USH2A: variants seen among roughly 807,000 people sequenced by gnomAD.
USH2A encodes Usher syndrome 2A (autosomal recessive, mild).
A neutral mutation model predicts 538.9 loss-of-function variants in USH2A; 443 were observed. That is an observed-to-expected ratio of 0.82 (90% CI 0.76 to 0.89). The LOEUF is 0.89. Among genes scored for constraint, USH2A ranks in the 40% least tolerant of loss-of-function variants. The pLI, the probability that USH2A is intolerant of heterozygous loss-of-function variation, is 0.00. For missense variants in USH2A, 6,633 were observed against 6,324.8 expected, an observed-to-expected ratio of 1.05 and a Z score of -1.65; for synonymous variants, 2,413 against 2,273.5, an observed-to-expected ratio of 1.06 and a Z score of -1.75.
chr1:216,168,617 C>CT (rs1389898291), intron 21 of USH2A, among the ~76,000 whole-genome samples: 1 of 152,126 alleles, frequency 6.6e-6, no homozygotes, highest in Non-Finnish European at 1.5e-5. Context: ...CTTTGTATGA[C>CT]TAACAAATTT....
chr1:216,404,530 C>T (rs994406910), intron 3 of USH2A, among the ~76,000 whole-genome samples: 1 of 151,806 alleles, frequency 6.6e-6, no homozygotes, highest in Admixed American at 6.6e-5. Context: ...AAGGATATAG[C>T]CTTTTCAACT....
chr1:215,726,598 C>T (rs1363242232), intron 61 of USH2A, among the ~76,000 whole-genome samples: 1 of 152,066 alleles, frequency 6.6e-6, no homozygotes, highest in African/African-American at 2.4e-5. Flanking sequence ...ATTGGCCTTC[C>T]AGGATTTAAA....
At chr1:215,826,191 T>G (rs897225394) in intron 47 of USH2A, among the ~76,000 whole-genome samples, 1 of 152,184 alleles carries the variant, frequency 6.6e-6, no homozygotes, top group African/African-American at 2.4e-5. Context: ...TGAGCTAACT[T>G]GAAGGTACAT....
In USH2A at chr1:216,198,425, G is replaced by T; in HGVS notation, c.3971C>A (p.Thr1324Lys). The change falls in exon 18 of 72, where the codon ACA becomes AAA. Residue 1324 changes from threonine to lysine, a missense_variant. Transcript: ENST00000307340. ...GTATGGCTCCAAGCCAGTGATGGTTGTCATTGTTTGAGGAGGTTTTAATGC... is the reference window on the plus strand; with the variant it reads ...GTATGGCTCCAAGCCAGTGATGGTTTTCATTGTTTGAGGAGGTTTTAATGC... ...ENALKPPQTM[T>K]TITGLEPYTK... 6.2e-7 allele frequency: 1 copy of T among 1,614,024 alleles called. No homozygotes were observed. Among genetic ancestry groups the T allele is most frequent in the Non-Finnish European group, 8.5e-7 (1 of 1,179,960 alleles).
chr1:215,630,580 C>T (rs1040445465), intron 70 of USH2A, among the ~76,000 whole-genome samples: 7 of 144,846 alleles, frequency 4.8e-5, no homozygotes, highest in East Asian at 2.0e-4. Flanking sequence ...AGGCCGGGTG[C>T]GGTGGCTCAT....
At chr1:215,840,858 A>G (rs905087130) in intron 46 of USH2A, among the ~76,000 whole-genome samples, 5 of 152,194 alleles carry the variant, frequency 3.3e-5, no homozygotes, top group Non-Finnish European at 7.4e-5. Flanking sequence ...TTATATAGCT[A>G]TATTTCTAAT....
At chr1:216,202,037 A>G (rs1200769741) in intron 16 of USH2A, among the ~76,000 whole-genome samples, 1 of 152,196 alleles carries the variant, frequency 6.6e-6, no homozygotes, top group Non-Finnish European at 1.5e-5. Context: ...GATTAAAGTT[A>G]CCCTTATCCC....
intron 61 of USH2A, among the ~76,000 whole-genome samples, chr1:215,694,853 G>C (rs186154433): frequency 6.6e-6 from 1 of 152,094 alleles, no homozygotes; most frequent in Non-Finnish European, 1.5e-5. Context: ...CCTTAGAAAA[G>C]TTGTTTTACA....
intron 9 of USH2A, among the ~76,000 whole-genome samples, chr1:216,313,374 C>T (rs1290915289): frequency 2.6e-5 from 4 of 152,142 alleles, no homozygotes; most frequent in Non-Finnish European, 4.4e-5. Flanking sequence ...GAGCCCTGTG[C>T]TCATTGGCTG....
intron 4 of USH2A, among the ~76,000 whole-genome samples, chr1:216,361,643 A>G (rs372343390): frequency 1.3e-5 from 2 of 152,200 alleles, no homozygotes; most frequent in East Asian, 3.9e-4. Context: ...AAAAGATCTC[A>G]GTATCACTAA....
chr1:215,749,348 G>T (rs139700715), intron 58 of USH2A, among the ~76,000 whole-genome samples: 1 of 152,294 alleles, frequency 6.6e-6, no homozygotes, highest in Non-Finnish European at 1.5e-5. Context: ...AACATGGCTA[G>T]CCAAACCATG....
intron 3 of USH2A, among the ~76,000 whole-genome samples, chr1:216,370,586 A>G (rs970408985): frequency 2.1e-5 from 3 of 142,772 alleles, no homozygotes; most frequent in African/African-American, 7.8e-5. Context: ...AGGCTGAAGC[A>G]GAGAGTTGCT....
At chr1:216,078,966 TG>T (rs1159093962) in intron 26 of USH2A, 7 of 152,186 alleles carry the variant, frequency 4.6e-5, no homozygotes, top group Non-Finnish European at 1.0e-4. Flanking sequence ...CATTTTCTAA[TG>T]TGAACATATT....
At chr1:215,642,572 A>G (rs1298356973) in intron 67 of USH2A, among the ~76,000 whole-genome samples, 1 of 152,204 alleles carries the variant, frequency 6.6e-6, no homozygotes, top group Non-Finnish European at 1.5e-5. Context: ...ATATAAACTT[A>G]AATAAATTAT....
intron 12 of USH2A, 43 bp downstream of exon 12, chr1:216,250,860 A>G (rs765502489): frequency 1.3e-6 from 2 of 1,596,608 alleles, no homozygotes; most frequent in East Asian, 2.2e-5. Flanking sequence ...TTTATTCCAG[A>G]TGGTAATAGA....
At chr1:216,369,636 G>A (rs928995443) in intron 3 of USH2A, among the ~76,000 whole-genome samples, 3 of 152,124 alleles carry the variant, frequency 2.0e-5, no homozygotes, top group African/African-American at 7.2e-5. Flanking sequence ...GTATGGGCCG[G>A]GCATGGAGGC....
chr1:216,421,169 A>G (rs563150164), intron 2 of USH2A, among the ~76,000 whole-genome samples: 108 of 152,190 alleles, frequency 7.1e-4, no homozygotes, highest in Non-Finnish European at 1.3e-3. Flanking sequence ...AATGGCAGTA[A>G]TAAGACCCAG....
At chr1:216,270,823 C>T (rs2036559886) in intron 11 of USH2A, among the ~76,000 whole-genome samples, 1 of 152,022 alleles carries the variant, frequency 6.6e-6, no homozygotes, top group Non-Finnish European at 1.5e-5. Context: ...AGTCCTCTCG[C>T]CTCAGCCTCC....
rs2030530878 is a variant in USH2A, at chr1:216,046,559, G to A, written c.6197C>T (p.Ser2066Phe). The change falls in exon 32 of 72, where the codon TCC becomes TTC. Residue 2066 changes from serine to phenylalanine, a missense_variant. Physicochemically the swap from Ser to Phe is radical, Grantham distance 155. Transcript: ENST00000307340. ...GGAGAGCAGCAAAGAACTGGGAAGG[G>A]ATTTGGCTACTGGTGGCTGAACCTC... ...PQEVQPPVAK[S>F]LPSSLLLSWN... The A allele has an allele frequency of 3.1e-6, 5 of 1,613,724 alleles. No individual in the cohort carries two copies. Among genetic ancestry groups the A allele is most frequent in the African/African-American group, 2.7e-5 (2 of 74,900 alleles).
Sources: allele counts gnomAD v4.1 joint callset (sites outside exome capture counted in the v4.1 genomes callset), GRCh38; gene constraint gnomAD v4.1.1; transcripts MANE v1.5; gene names NCBI Gene and HGNC (gene_info 2026-07-23, HGNC 2026-07-21).